Variants in CDON observed in about 807,000 individuals in gnomAD.
The protein encoded by CDON is cell adhesion associated, oncogene regulated.
Under a neutral mutation model 120.9 loss-of-function variants are expected in CDON, and 73 were observed. The ratio of observed to expected loss-of-function variants is 0.60; its 90% CI spans 0.50 to 0.73. CDON has a LOEUF of 0.73. CDON is among the 30% of genes least tolerant of loss of function. The pLI is 0.00. For synonymous variants in CDON, 566 were observed against 573.5 expected, an observed-to-expected ratio of 0.99 and a Z score of 0.19; for missense variants, 1,470 against 1,587.3, an observed-to-expected ratio of 0.93 and a Z score of 1.26.
intron 4 of CDON, 75 bp from the exon 5 acceptor site, chr11:126,018,548 G>A (rs966422871): frequency 7.9e-7 from 1 of 1,270,224 alleles, no homozygotes; most frequent in Non-Finnish European, 1.1e-6. Flanking sequence ...ACTCACAAAG[G>A]CTGATCATTA....
At chr11:125,994,634 C>T (rs913775034) in intron 13 of CDON, among the ~76,000 whole-genome samples, 2 of 152,186 alleles carry the variant, frequency 1.3e-5, no homozygotes, top group African/African-American at 4.8e-5. Context: ...CAAAATGAAT[C>T]ATGATGGCAA....
In CDON at chr11:126,018,182, G is replaced by A. The variant is rs1016392337; in HGVS notation, c.640+148C>T. 6 of 798,052 alleles carry A rather than the reference G, an allele frequency of 7.5e-6. No individual in the cohort carries two copies. In the African/African-American group the frequency reaches 8.5e-5, roughly 11 times the overall value. The allele number at this position is 798,052 out of a possible 1,614,324, so 49.4% of individuals were successfully genotyped here. A position where few individuals can be genotyped will look rare whatever the true frequency, so the allele number is the denominator to read the frequency against. Reference sequence around the variant, plus strand: ...CCCAAAGTGCTGAGATCACAGGGGTGACCCACCACACCTAGCCTGTATTTA... The same window carrying A: ...CCCAAAGTGCTGAGATCACAGGGGTAACCCACCACACCTAGCCTGTATTTA... On this transcript the variant is annotated intron_variant, in intron 5 of 19. Transcript: ENST00000531738.
intron 13 of CDON, 49 bp from the exon 14 acceptor site, chr11:125,994,438 T>A (rs1294799134): frequency 1.0e-6 from 1 of 979,828 alleles, no homozygotes; most frequent in Non-Finnish European, 1.6e-6. Context: ...TAATGTAACC[T>A]TCTCATTCAT....
At chr11:126,061,292 A>G (rs1652388424) in intron 1 of CDON, among the ~76,000 whole-genome samples, 1 of 152,230 alleles carries the variant, frequency 6.6e-6, no homozygotes, top group Non-Finnish European at 1.5e-5. Flanking sequence ...CAACATGTGC[A>G]TAACAGAGAC....
chr11:126,005,703 TATACAAAGA>T, intron 9 of CDON, 47 bp downstream of exon 9: 1 of 1,507,224 alleles, frequency 6.6e-7, no homozygotes, highest in South Asian at 1.1e-5. Flanking sequence ...CAGTATATGT[TATACAAAGA>T]ACGTTCAGGT....
At chr11:125,972,539 T>C (rs1452345959) in intron 18 of CDON, among the ~76,000 whole-genome samples, 2 of 152,128 alleles carry the variant, frequency 1.3e-5, no homozygotes, top group Admixed American at 1.3e-4. Flanking sequence ...CAACTACAAC[T>C]TCCCCACAGA....
chr11:126,015,411 C>G lies in CDON; in HGVS notation c.1028G>C (p.Cys343Ser), dbSNP rs1237984326. 5.6e-6 allele frequency: 9 copies of G among 1,614,030 alleles called. No homozygotes were observed. The highest frequency in any genetic ancestry group is 1.3e-5 in the African/African-American group (1 of 74,902). The stretch of plus-strand genomic sequence containing the variant: ...AGGCTGTGCATTGTGAAACCAGGTA[C>G]AGTTGGGGGCTGGGTTCCCATGAAC... The part of the protein sequence containing the change: ...CDVHGNPAPN[C>S]TWFHNAQPIH... Residue 343 changes from cysteine to serine, a missense_variant, in exon 7 of 20, where the codon TGT becomes TCT. Physicochemically the swap from Cys to Ser is moderately radical, Grantham distance 112 (BLOSUM62 -1). Coordinates refer to ENST00000531738, the MANE Select transcript of CDON (RefSeq NM_001378964.1).
intron 18 of CDON, among the ~76,000 whole-genome samples, chr11:125,977,513 T>C (rs891642916): frequency 1.3e-5 from 2 of 152,192 alleles, no homozygotes; most frequent in African/African-American, 4.8e-5. Context: ...GTACTAACTA[T>C]GACATAATCT....
At chr11:125,992,278 A>C (rs969937969) in intron 14 of CDON, among the ~76,000 whole-genome samples, 1 of 152,142 alleles carries the variant, frequency 6.6e-6, no homozygotes, top group Admixed American at 6.6e-5. Context: ...CTTTGTCATT[A>C]AAAGTAATGG....
chr11:125,995,289 G>A (rs1298207200), intron 12 of CDON, among the ~76,000 whole-genome samples: 1 of 152,166 alleles, frequency 6.6e-6, no homozygotes, highest in East Asian at 1.9e-4. Flanking sequence ...CTTCTTAGGA[G>A]TCACCAAGAA....
chr11:126,043,192 C>T (rs1948312189), intron 1 of CDON, among the ~76,000 whole-genome samples: 1 of 152,186 alleles, frequency 6.6e-6, no homozygotes, highest in Non-Finnish European at 1.5e-5. Context: ...GATGTTTGCA[C>T]AGGAGTGTTA....
At chr11:125,964,598 G>C (rs1227176151) in intron 18 of CDON, among the ~76,000 whole-genome samples, 1 of 149,740 alleles carries the variant, frequency 6.7e-6, no homozygotes, top group Non-Finnish European at 1.5e-5. Flanking sequence ...TCTAGCAAAG[G>C]AGACAGACCA....
At chr11:126,018,542 A>C in intron 4 of CDON, 69 bp from the exon 5 acceptor site, 358 of 1,303,752 alleles carry the variant, frequency 2.7e-4, no homozygotes, top group Non-Finnish European at 3.7e-4. Flanking sequence ...ACTAAAACTC[A>C]CAAAGGCTGA....
chr11:125,974,387 A>G (rs1946093888), intron 18 of CDON, among the ~76,000 whole-genome samples: 2 of 33,654 alleles, frequency 5.9e-5, no homozygotes, highest in South Asian at 1.7e-3. Flanking sequence ...GAAGGAAGGA[A>G]GGAAGGGAGG....
intron 1 of CDON, among the ~76,000 whole-genome samples, chr11:126,055,382 A>T (rs150286636): frequency 6.6e-6 from 1 of 152,232 alleles, no homozygotes; most frequent in Non-Finnish European, 1.5e-5. Flanking sequence ...GTAAAAATTC[A>T]ATATACTTTT....
At chr11:126,015,019 G>A in intron 7 of CDON, 1 of 562,992 alleles carries the variant, frequency 1.8e-6, no homozygotes, top group South Asian at 2.1e-5. Flanking sequence ...GGCAGAATCT[G>A]TTGAAAATTT....
rs1346916880 is a variant in CDON at position 125,981,336 on chromosome 11, A to C, written c.2996-7T>G. 1 of 1,610,740 alleles carries C rather than the reference A, an allele frequency of 6.2e-7. No homozygotes were observed. The highest frequency in any genetic ancestry group is 1.1e-5 in the South Asian group (1 of 91,076). On this transcript the variant is annotated splice_region_variant and splice_polypyrimidine_tract_variant and intron_variant, in intron 16 of 19. Transcript: ENST00000531738. Reference sequence around the variant, plus strand: ...TATCCTGGTGGGTCATATTCTGTTAAAAGAGAACAAAAAAGACACACACGC... The same window carrying C: ...TATCCTGGTGGGTCATATTCTGTTACAAGAGAACAAAAAAGACACACACGC...
intron 15 of CDON, among the ~76,000 whole-genome samples, chr11:125,986,029 C>T (rs1244551517): frequency 3.3e-5 from 5 of 152,112 alleles, no homozygotes; most frequent in Admixed American, 1.3e-4. Flanking sequence ...ATGTTTAGTG[C>T]GGCACTATTC....
In CDON at chr11:125,984,072, G is replaced by C. The variant is rs1056107153; in HGVS notation, c.2795C>G (p.Ser932Cys). Residue 932 changes from serine (S) to cysteine (C), a missense_variant, in exon 16 of 20, where the codon TCT (serine) becomes TGT (cysteine). By Grantham distance (112) the Ser-to-Cys change is moderately radical. Transcript: ENST00000531738. ...ACTCAAGTCTTTGACAGGATATTCA[G>C]AAGCTCCAGGAACACGTTTCACTAG... is the stretch of plus-strand genomic sequence containing the variant. ...ETKVKRVPGA[S>C]EYPVKDLSTP... is the part of the protein sequence containing the mutation. 1 of 1,612,544 alleles carries C rather than the reference G, an allele frequency of 6.2e-7. No homozygotes were observed. Among genetic ancestry groups the C allele is most frequent in the Admixed American group, 1.7e-5 (1 of 60,006 alleles).
Sources: gnomAD v4.1 joint callset for allele counts (sites outside exome capture counted in the v4.1 genomes callset) on GRCh38, gnomAD v4.1.1 for gene constraint, MANE v1.5 for transcripts, NCBI Gene and HGNC (gene_info 2026-07-23, HGNC 2026-07-21) for gene names.